Variants in PLCB4 observed in about 807,000 individuals in gnomAD.
PLCB4 encodes 1-phosphatidylinositol 4,5-bisphosphate phosphodiesterase beta-4.
In PLCB4, 77 loss-of-function variants were observed where a neutral mutation model predicts 178.8. The ratio of observed to expected loss-of-function variants is 0.43; its 90% CI spans 0.36 to 0.52. The LOEUF (loss-of-function observed/expected upper bound fraction) is 0.52. PLCB4 is among the 20% of genes least tolerant of loss of function. The pLI is 0.00. For missense variants in PLCB4, 1,024 were observed against 1,453.4 expected (o/e 0.70, Z 4.80); for synonymous variants, 496 against 490.8 (o/e 1.01, Z -0.14).
At chr20:9,154,192 A>G (rs547689123) in intron 2 of PLCB4, among the ~76,000 whole-genome samples, 2 of 152,184 alleles carry the variant, frequency 1.3e-5, no homozygotes, top group Non-Finnish European at 2.9e-5. Context: ...TAGTTGAGGC[A>G]TCTCCTGCCA....
intron 3 of PLCB4, among the ~76,000 whole-genome samples, chr20:9,255,507 G>T (rs1351125611): frequency 2.7e-5 from 4 of 149,378 alleles, no homozygotes; most frequent in Admixed American, 2.7e-4. Context: ...TCTGGAAGCA[G>T]TAAAACTTTG....
intron 3 of PLCB4, among the ~76,000 whole-genome samples, chr20:9,234,774 G>A (rs1198524464): frequency 6.6e-6 from 1 of 152,068 alleles, no homozygotes; most frequent in Non-Finnish European, 1.5e-5. Flanking sequence ...CATTGAGAAA[G>A]GGCATAGGAA....
At chr20:9,370,238 G>T (rs934480304) in intron 9 of PLCB4, among the ~76,000 whole-genome samples, 1 of 152,190 alleles carries the variant, frequency 6.6e-6, no homozygotes, top group African/African-American at 2.4e-5. Context: ...AAAATACTAT[G>T]TCTTGGGGTA....
intron 2 of PLCB4, among the ~76,000 whole-genome samples, chr20:9,127,999 A>G (rs2876151): frequency 0.47 from 71,990 of 151,840 alleles, 17,647 homozygotes; most frequent in Middle Eastern, 0.57. Flanking sequence ...TATTTTTGAT[A>G]TGATATAGTT....
At chr20:9,442,811 C>T (rs182805316) in intron 30 of PLCB4, among the ~76,000 whole-genome samples, 9 of 152,270 alleles carry the variant, frequency 5.9e-5, no homozygotes, top group Admixed American at 5.9e-4. Flanking sequence ...TTACAGATCA[C>T]AAGGCTGATT....
chr20:9,135,339 A>G (rs1277509467), intron 2 of PLCB4, among the ~76,000 whole-genome samples: 1 of 152,156 alleles, frequency 6.6e-6, no homozygotes, highest in Non-Finnish European at 1.5e-5. Context: ...TACACCAAAA[A>G]CAACTAAGGC....
At chr20:9,224,126 G>A (rs929672865) in intron 3 of PLCB4, among the ~76,000 whole-genome samples, 4 of 152,174 alleles carry the variant, frequency 2.6e-5, no homozygotes, top group African/African-American at 7.2e-5. Flanking sequence ...TCAGAGACAG[G>A]AGTGTTGAAG....
At chr20:9,292,132 G>T (rs563165865) in intron 3 of PLCB4, among the ~76,000 whole-genome samples, 2 of 152,128 alleles carry the variant, frequency 1.3e-5, no homozygotes, top group African/African-American at 2.4e-5. Flanking sequence ...CCATTTTTGT[G>T]AAGTCTCATT....
chr20:9,473,362 G>A lies in PLCB4; in HGVS notation c.3492G>A (p.Glu1164=). 6.4e-7 allele frequency: 1 copy of A among 1,574,206 alleles called. No homozygotes were observed. The highest frequency in any genetic ancestry group is 8.7e-7 in the Non-Finnish European group (1 of 1,150,826). ...TAGAATTCCTAGAGAAACAGAATGA[G>A]CAGGTATTTTACCTAAAATACGTAA... The part of the protein sequence containing the change: ...EHLEFLEKQN[E]QLLKSCHAVS... The change falls in exon 38 of 40, where the codon GAG becomes GAA. Residue 1164 remains glutamate (E), a synonymous_variant. Coordinates refer to ENST00000378473, the MANE Select transcript of PLCB4 (RefSeq NM_001377142.1).
intron 2 of PLCB4, among the ~76,000 whole-genome samples, chr20:9,134,707 A>G (rs554775586): frequency 1.4e-4 from 21 of 152,232 alleles, no homozygotes; most frequent in African/African-American, 5.1e-4. Flanking sequence ...TCAGAGGCTA[A>G]TTGTTACTTT....
chr20:9,421,511 GT>G, intron 27 of PLCB4, 50 bp downstream of exon 27: 1 of 1,502,716 alleles, frequency 6.7e-7, no homozygotes, highest in Non-Finnish European at 9.2e-7. Context: ...TGGGAGCCAT[GT>G]TTTAGTTCAC....
At chr20:9,154,772 C>T (rs1183584831) in intron 2 of PLCB4, among the ~76,000 whole-genome samples, 8 of 150,078 alleles carry the variant, frequency 5.3e-5, no homozygotes, top group Admixed American at 5.3e-4. Context: ...TTTCCTTTCC[C>T]TCCCTCCTTT....
rs370382490 is a variant in PLCB4, at chr20:9,476,659, A to G, written c.3496-58A>G. On this transcript the variant is annotated intron_variant, in intron 38 of 39. Coordinates refer to ENST00000378473, the MANE Select transcript of PLCB4 (RefSeq NM_001377142.1). ...TTCAAATTCACTTCAATATTCATTTATTTTCTTCGTTTTGTATGTATGACT... is the reference window on the plus strand; with the variant it reads ...TTCAAATTCACTTCAATATTCATTTGTTTTCTTCGTTTTGTATGTATGACT... 2.4e-5 allele frequency: 28 copies of G among 1,180,032 alleles called. No individual in the cohort carries two copies. In the African/African-American group the frequency reaches 4.2e-4, roughly 18 times the overall value. The allele number at this position is 1,180,032 out of a possible 1,614,324, so 73.1% of individuals were successfully genotyped here.
chr20:9,431,650 T>TTGTG lies in PLCB4; in HGVS notation c.2525-3880_2525-3877dup, dbSNP rs3037096. 6.8e-3 allele frequency among the ~76,000 whole-genome samples: 985 copies of TTGTG among 144,222 alleles called. 8 individuals carry two copies. Among genetic ancestry groups the TTGTG allele is most frequent in the South Asian group, 0.013 (55 of 4,366 alleles). The allele number at this position is 144,222 out of a possible 152,430, so 94.6% of individuals were successfully genotyped here. On this transcript the variant is annotated intron_variant, in intron 28 of 39. Transcript: ENST00000378473. Reference sequence around the variant, plus strand: ...GGGGCCAATTTGTGTGTGTGTGTGTTTGTGTGTGTGTGTGTGTGTGTGTGT... The same window carrying TTGTG: ...GGGGCCAATTTGTGTGTGTGTGTGTTTGTGTGTGTGTGTGTGTGTGTGTGTGTGT...
At chr20:9,366,156 G>A (rs749378734) in intron 9 of PLCB4, among the ~76,000 whole-genome samples, 8 of 150,332 alleles carry the variant, frequency 5.3e-5, no homozygotes, top group Non-Finnish European at 8.9e-5. Context: ...TTGGGAGGCC[G>A]CAGCGGGTGG....
At chr20:9,311,563 C>T (rs1028721933) in intron 4 of PLCB4, among the ~76,000 whole-genome samples, 1 of 152,182 alleles carries the variant, frequency 6.6e-6, no homozygotes, top group African/African-American at 2.4e-5. Flanking sequence ...TTTAATCACA[C>T]TCAGAGTCCT....
At chr20:9,124,559 C>T (rs568954618) in intron 2 of PLCB4, among the ~76,000 whole-genome samples, 9 of 152,112 alleles carry the variant, frequency 5.9e-5, no homozygotes, top group African/African-American at 1.7e-4. Context: ...TGAATAAAGG[C>T]AAATAAAGAA....
intron 4 of PLCB4, among the ~76,000 whole-genome samples, chr20:9,330,471 C>T (rs930952581): frequency 2.0e-5 from 3 of 152,112 alleles, no homozygotes; most frequent in Non-Finnish European, 2.9e-5. Context: ...AATCTTCTGG[C>T]GATAGGCAGA....
Position 9,152,747 on chromosome 20 carries a change from G to A in PLCB4, c.-79+56405G>A, listed in dbSNP as rs1234958429. Among the ~76,000 whole-genome samples, 8 of 152,232 alleles carry A rather than the reference G, an allele frequency of 5.3e-5. No homozygotes were observed. In the East Asian group the frequency reaches 1.5e-3, roughly 29 times the overall value. On this transcript the variant is annotated intron_variant, in intron 2 of 39. Transcript: ENST00000378473. ...TGCCTAGTGGAGTTGTGGGAAGAAG[G>A]CCACTATCCTCCAGACCCCAAAATG... is the stretch of plus-strand genomic sequence containing the variant.
Sources: allele counts gnomAD v4.1 joint callset (sites outside exome capture counted in the v4.1 genomes callset), GRCh38; gene constraint gnomAD v4.1.1; transcripts MANE v1.5; gene names NCBI Gene and HGNC (gene_info 2026-07-23, HGNC 2026-07-21).